HELZ: variants seen among roughly 807,000 people sequenced by gnomAD.
HELZ encodes the protein helicase with zinc finger.
In HELZ, 23 loss-of-function variants were observed where a neutral mutation model predicts 218.2. The observed-to-expected ratio is 0.11, with a 90% CI of 0.08 to 0.15. HELZ has a LOEUF of 0.15. HELZ is among the 10% of genes least tolerant of loss of function. The probability of loss-of-function intolerance (pLI) is 1.00; values close to 1 mark genes in which losing one functional copy is unlikely to be tolerated. For synonymous variants in HELZ, 814 were observed against 829.4 expected, an observed-to-expected ratio of 0.98 and a Z score of 0.32; for missense variants, 1,813 against 2,353.7, an observed-to-expected ratio of 0.77 and a Z score of 4.75.
chr17:67,159,074 T>A (rs2038926072), intron 17 of HELZ, among the ~76,000 whole-genome samples: 1 of 152,188 alleles, frequency 6.6e-6, no homozygotes, highest in African/African-American at 2.4e-5. Context: ...ATCATTAAAG[T>A]AAGAACACCT....
chr17:67,098,422 T>C (rs2036816412), intron 31 of HELZ, among the ~76,000 whole-genome samples: 1 of 152,162 alleles, frequency 6.6e-6, no homozygotes, highest in Non-Finnish European at 1.5e-5. Flanking sequence ...TAAGAATATA[T>C]TTTAACTTTT....
chr17:67,179,058 A>T, intron 12 of HELZ, 132 bp from the exon 13 acceptor site: 4 of 589,912 alleles, frequency 6.8e-6, no homozygotes, highest in Non-Finnish European at 1.1e-5. Context: ...TCTTAAAAAC[A>T]AAACAATGCA....
At position 67,075,607 on chromosome 17, in the gene HELZ, C is replaced by T. The variant is rs994509016; in HGVS notation, c.*2645G>A. ...TGATGGAAACTTGCAATGATTCTTA[C>T]ACAAGACGTGTTCAAAATGTTATAA... On this transcript the variant is annotated 3_prime_UTR_variant, in exon 33 of 33. Coordinates refer to ENST00000358691, the MANE Select transcript of HELZ (RefSeq NM_014877.4). 1.3e-5 allele frequency: 2 copies of T among 152,158 alleles called. No homozygotes were observed. The highest frequency in any genetic ancestry group is 4.8e-5 in the African/African-American group (2 of 41,434). The allele number at this position is 152,158 out of a possible 1,614,324, so 9.4% of individuals were successfully genotyped here. A position where few individuals can be genotyped will look rare whatever the true frequency, so the allele number is the denominator to read the frequency against.
At chr17:67,142,123 A>C (rs1404380705) in intron 21 of HELZ, among the ~76,000 whole-genome samples, 1 of 152,180 alleles carries the variant, frequency 6.6e-6, no homozygotes, top group Non-Finnish European at 1.5e-5. Context: ...GAAGGCAATA[A>C]AGAAGACACA....
At chr17:67,227,340 A>G (rs1044931044) in intron 3 of HELZ, among the ~76,000 whole-genome samples, 1 of 152,012 alleles carries the variant, frequency 6.6e-6, no homozygotes, top group Admixed American at 6.6e-5. Context: ...CTACAGGCAC[A>G]CACCACCACA....
In HELZ at chr17:67,107,555, G is replaced by A. The variant is rs1249900890; in HGVS notation, c.4855C>T (p.Pro1619Ser). The A allele has an allele frequency of 1.2e-6, 2 of 1,614,106 alleles. No individual in the cohort carries two copies. The highest frequency in any genetic ancestry group is 2.7e-5 in the African/African-American group (2 of 75,018). Residue 1619 changes from proline to serine, a missense_variant, in exon 31 of 33, where the codon CCA becomes TCA. Physicochemically the swap from Pro to Ser is moderately conservative, Grantham distance 74 (BLOSUM62 -1). Around this residue, in one of 4 missense-constraint regions of HELZ, gnomAD observed 938 missense variants for 1,027.5 expected, o/e 0.91. Coordinates refer to ENST00000358691, the MANE Select transcript of HELZ (RefSeq NM_014877.4). ...TGGTCTGTACTGGATGGGGGAGATG[G>A]GACTGCTGGTGGGCTTCTACTCTGT... ...QVQSRSPPAVPSPPSSTDHSS... is the reference protein window; with the variant it reads ...QVQSRSPPAVSSPPSSTDHSS...
chr17:67,203,519 T>C, intron 5 of HELZ, 76 bp from the exon 6 acceptor site: 1 of 1,528,636 alleles, frequency 6.5e-7, no homozygotes, highest in Non-Finnish European at 8.9e-7. Context: ...ATTAACACAC[T>C]ATCACAAGCG....
chr17:67,113,652 A>G (rs1259520169), intron 28 of HELZ, among the ~76,000 whole-genome samples: 1 of 152,208 alleles, frequency 6.6e-6, no homozygotes, highest in African/African-American at 2.4e-5. Flanking sequence ...TTAAGGTTAC[A>G]AATTAACAAG....
rs115569163 is a variant in HELZ at position 67,195,244 on chromosome 17, G to C, written c.481+175C>G. On this transcript the variant is annotated intron_variant, in intron 8 of 32. Transcript: ENST00000358691. ...CCATTACTCCATTATTCTATGAAAA[G>C]GTGCCAGGGAGAAAATTGCTTTCAA... Among the ~76,000 whole-genome samples the C allele has an allele frequency of 4.6e-3, 697 of 152,264 alleles. 6 individuals are homozygous for C. Among genetic ancestry groups the C allele is most frequent in the African/African-American group, 0.016 (662 of 41,548 alleles).
chr17:67,235,949 A>G (rs560243347), intron 3 of HELZ, among the ~76,000 whole-genome samples: 5 of 151,914 alleles, frequency 3.3e-5, no homozygotes, highest in East Asian at 3.9e-4. Context: ...TTTAGAAGAG[A>G]CGGGGTTTCA....
Position 67,150,573 on chromosome 17 carries a change from A to G in HELZ, c.2356+473T>C, listed in dbSNP as rs149969708. 7.2e-5 allele frequency among the ~76,000 whole-genome samples: 11 copies of G among 152,350 alleles called. No homozygotes were observed. The East Asian group carries it at 1.3e-3, about 19-fold the overall frequency. The stretch of plus-strand genomic sequence containing the variant: ...AATATAACAATCTTAATAACATGCC[A>G]TAATAAAACCTATCATAATTATCAT... On this transcript the variant is annotated intron_variant, in intron 18 of 32. Coordinates refer to ENST00000358691, the MANE Select transcript of HELZ (RefSeq NM_014877.4).
intron 31 of HELZ, among the ~76,000 whole-genome samples, chr17:67,102,328 A>C (rs979040032): frequency 1.3e-5 from 2 of 152,220 alleles, no homozygotes; most frequent in African/African-American, 4.8e-5. Flanking sequence ...GCTAAATGTT[A>C]TAGTAGGTAT....
In HELZ at chr17:67,128,318, G is replaced by C. The variant is rs146774427; in HGVS notation, c.3387+333C>G. Among the ~76,000 whole-genome samples, 889 of 152,274 alleles carry C rather than the reference G, an allele frequency of 5.8e-3. 8 individuals carry two copies. The highest frequency in any genetic ancestry group is 0.02 in the African/African-American group (842 of 41,554). ...AATATAAGGACATGTTTTAGTAAGT[G>C]TGATAATCTTTTAAACTTCTTTGTT... On this transcript the variant is annotated intron_variant, in intron 24 of 32. Transcript: ENST00000358691.
intron 21 of HELZ, among the ~76,000 whole-genome samples, chr17:67,145,503 T>G (rs2038466618): frequency 6.6e-6 from 1 of 152,176 alleles, no homozygotes; most frequent in African/African-American, 2.4e-5. Context: ...TTCTTTTGAA[T>G]GAAATCATGT....
intron 31 of HELZ, among the ~76,000 whole-genome samples, chr17:67,106,245 T>A (rs1393477890): frequency 6.7e-6 from 1 of 148,804 alleles, no homozygotes; most frequent in East Asian, 1.9e-4. Flanking sequence ...AATTACTAAG[T>A]TTTTCATAGG....
intron 23 of HELZ, among the ~76,000 whole-genome samples, chr17:67,133,773 T>C (rs1237232123): frequency 6.6e-6 from 1 of 152,174 alleles, no homozygotes; most frequent in African/African-American, 2.4e-5. Flanking sequence ...CCAGGGCCTC[T>C]CAGAGTGCTG....
rs974439725 is a variant in HELZ, at chr17:67,167,902, C to T, written c.1431-106G>A. 10 of 748,206 alleles carry T rather than the reference C, an allele frequency of 1.3e-5. No individual in the cohort carries two copies. The Admixed American group carries it at 2.9e-4, about 21-fold the overall frequency. 46.3% of individuals were successfully genotyped at this position (748,206 alleles called of 1,614,324 possible). On this transcript the variant is annotated intron_variant, in intron 13 of 32. Transcript: ENST00000358691. The stretch of plus-strand genomic sequence containing the variant: ...AAATATAAACATACCAAAAATTAAA[C>T]CATTATATCAATTCCACTTCATTGA...
chr17:67,166,801 G>A (rs2144147430), intron 14 of HELZ, among the ~76,000 whole-genome samples, 193 bp from the exon 15 acceptor site: 2 of 152,170 alleles, frequency 1.3e-5, no homozygotes, highest in South Asian at 4.2e-4. Flanking sequence ...ACTGTAACAA[G>A]TACTTTACTA....
At chr17:67,203,289 G>A in intron 6 of HELZ, 30 bp downstream of exon 6, 1 of 1,605,766 alleles carries the variant, frequency 6.2e-7, no homozygotes, top group Non-Finnish European at 8.5e-7. Flanking sequence ...TTTGTTTTCA[G>A]GCATACAAAA....
Sources: gnomAD v4.1 joint callset for allele counts (sites outside exome capture counted in the v4.1 genomes callset) on GRCh38, gnomAD v4.1.1 for gene constraint, gnomAD v4.1.1 regional missense constraint, MANE v1.5 for transcripts, NCBI Gene and HGNC (gene_info 2026-07-23, HGNC 2026-07-21) for gene names.